MTREX: variants seen among roughly 807,000 people sequenced by gnomAD.
The protein encoded by MTREX is Mtr4 exosome RNA helicase.
In MTREX, 76 loss-of-function variants were observed where a neutral mutation model predicts 135.4. That is an observed-to-expected ratio of 0.56 (90% CI 0.47 to 0.68). MTREX has a LOEUF of 0.68. Among genes scored for constraint, MTREX ranks in the 30% least tolerant of loss-of-function variants. The probability of loss-of-function intolerance (pLI) is 0.00; values close to 1 mark genes in which losing one functional copy is unlikely to be tolerated. For synonymous variants in MTREX, 404 were observed against 401.6 expected (o/e 1.01, Z -0.07); for missense variants, 920 against 1,262.1 (o/e 0.73, Z 4.11).
intron 19 of MTREX, among the ~76,000 whole-genome samples, chr5:55,390,855 G>A (rs1186282070): frequency 6.6e-6 from 1 of 152,100 alleles, no homozygotes; most frequent in Non-Finnish European, 1.5e-5. Context: ...TTGCTGTTTT[G>A]GCAGGTTTCA....
chr5:55,413,400 T>A (rs958078178), intron 23 of MTREX, among the ~76,000 whole-genome samples: 9 of 134,186 alleles, frequency 6.7e-5, no homozygotes, highest in African/African-American at 2.5e-4. Flanking sequence ...TACATACATA[T>A]CATTCTTATA....
At chr5:55,341,001 A>G (rs1749639893) in intron 6 of MTREX, among the ~76,000 whole-genome samples, 1 of 152,196 alleles carries the variant, frequency 6.6e-6, no homozygotes, top group African/African-American at 2.4e-5. Flanking sequence ...TTTACTAAGT[A>G]TTTTTGTACA....
chr5:55,418,818 T>C (rs1751011895), intron 25 of MTREX, among the ~76,000 whole-genome samples: 1 of 152,066 alleles, frequency 6.6e-6, no homozygotes, highest in African/African-American at 2.4e-5. Context: ...GAATAGCCAT[T>C]CCTTCCTCAT....
At position 55,308,312 on chromosome 5, in the gene MTREX, G is replaced by T. The variant is rs569878829; in HGVS notation, c.134+165G>T. Among the ~76,000 whole-genome samples the T allele has an allele frequency of 1.1e-3, 160 of 152,170 alleles. 1 individual carries two copies. Among genetic ancestry groups the T allele is most frequent in the Admixed American group, 4.3e-3 (66 of 15,280 alleles). On this transcript the variant is annotated intron_variant, in intron 1 of 26. Transcript: ENST00000230640. Reference sequence around the variant, plus strand: ...GGAGAGGGTGGAAGAATGTTGGTTCGTGGAAGGGGGGTCTTGGCGTTTCCT... The same window carrying T: ...GGAGAGGGTGGAAGAATGTTGGTTCTTGGAAGGGGGGTCTTGGCGTTTCCT...
Position 55,353,215 on chromosome 5 carries a change from T to C in MTREX, c.1479T>C (p.Ala493=). The change falls in exon 14 of 27, where the codon GCT becomes GCC. Residue 493 remains alanine (A), a synonymous_variant. Coordinates refer to ENST00000230640, the MANE Select transcript of MTREX (RefSeq NM_015360.5). ...ETFAMGINMP[A]RTVLFTNARK... ...TTGCTATGGGAATTAACATGCCAGC[T>C]AGAACTGTTTTATTTACAAATGCCC... 6.2e-7 allele frequency: 1 copy of C among 1,611,020 alleles called. No individual in the cohort carries two copies.
intron 18 of MTREX, among the ~76,000 whole-genome samples, chr5:55,379,628 A>G (rs1750362292): frequency 6.6e-6 from 1 of 151,798 alleles, no homozygotes; most frequent in South Asian, 2.1e-4. Flanking sequence ...AGACACATGC[A>G]TTGTTTTCAT....
chr5:55,367,567 C>T (rs563101540), intron 16 of MTREX, among the ~76,000 whole-genome samples: 1 of 151,854 alleles, frequency 6.6e-6, no homozygotes, highest in African/African-American at 2.4e-5. Flanking sequence ...TGGCATAAGC[C>T]TGTGAATGTT....
chr5:55,326,536 C>G (rs139349265), intron 3 of MTREX, among the ~76,000 whole-genome samples: 1 of 152,292 alleles, frequency 6.6e-6, no homozygotes, highest in African/African-American at 2.4e-5. Flanking sequence ...GGTGACTTTT[C>G]CTCTTCACAG....
At chr5:55,421,851 G>A (rs1170240731) in intron 25 of MTREX, among the ~76,000 whole-genome samples, 1 of 152,090 alleles carries the variant, frequency 6.6e-6, no homozygotes, top group African/African-American at 2.4e-5. Flanking sequence ...ATACTTGTTT[G>A]CATAAACATT....
rs142958762 is a variant in MTREX at position 55,349,627 on chromosome 5, C to G, written c.1295C>G (p.Ser432Cys). Residue 432 changes from serine (S) to cysteine (C), a missense_variant, in exon 12 of 27, where the codon TCC becomes TGC. Transcript: ENST00000230640. ...TTCAGTAATGCAATTGATTGCTTATCCGATGAAGATAAAAAACTCCCTCAG... is the reference window on the plus strand; with the variant it reads ...TTCAGTAATGCAATTGATTGCTTATGCGATGAAGATAAAAAACTCCCTCAG... ...EVFSNAIDCL[S>C]DEDKKLPQVE... is the part of the protein sequence containing the mutation. The G allele has an allele frequency of 4.4e-3, 7,022 of 1,601,318 alleles. 22 individuals are homozygous for G. Among genetic ancestry groups the G allele is most frequent in the Non-Finnish European group, 5.2e-3 (6,061 of 1,169,080 alleles).
chr5:55,370,657 G>C (rs1007748361), intron 16 of MTREX, among the ~76,000 whole-genome samples: 1 of 152,192 alleles, frequency 6.6e-6, no homozygotes, highest in African/African-American at 2.4e-5. Flanking sequence ...TTTGAGTGAT[G>C]AAAGAGAAAT....
At position 55,310,607 on chromosome 5, in the gene MTREX, C is replaced by CA. The variant is rs903057558; in HGVS notation, c.134+2471dup. Among the ~76,000 whole-genome samples the CA allele has an allele frequency of 8.3e-3, 1,148 of 138,518 alleles. 15 individuals are homozygous for CA. The highest frequency in any genetic ancestry group is 0.026 in the African/African-American group (997 of 37,730). 90.9% of individuals were successfully genotyped at this position (138,518 alleles called of 152,430 possible). On this transcript the variant is annotated intron_variant, in intron 1 of 26. Transcript: ENST00000230640. ...TGGGCGACAGAGCTTGACTCCATCT[C>CA]AAAAAAAAAAAGAGAAAAAATCCTA...
intron 2 of MTREX, among the ~76,000 whole-genome samples, chr5:55,322,759 G>C (rs1324567620): frequency 6.6e-6 from 1 of 152,098 alleles, no homozygotes; most frequent in African/African-American, 2.4e-5. Context: ...CTCAGGAGGA[G>C]GATAACTGGA....
At chr5:55,384,871 G>A (rs1750452967) in intron 18 of MTREX, among the ~76,000 whole-genome samples, 1 of 152,164 alleles carries the variant, frequency 6.6e-6, no homozygotes. Context: ...ATACCCAGGA[G>A]CTCTGTTAGC....
intron 19 of MTREX, among the ~76,000 whole-genome samples, chr5:55,395,396 ACT>A (rs1463501072): frequency 1.3e-5 from 2 of 152,138 alleles, no homozygotes; most frequent in African/African-American, 4.8e-5. Flanking sequence ...ACAGAGCAAG[ACT>A]CTGTCTCAAA....
intron 1 of MTREX, among the ~76,000 whole-genome samples, chr5:55,320,196 T>G (rs923580952): frequency 6.6e-6 from 1 of 151,994 alleles, no homozygotes; most frequent in Non-Finnish European, 1.5e-5. Flanking sequence ...GGATCAGTAT[T>G]GTTTTACCCT....
intron 5 of MTREX, among the ~76,000 whole-genome samples, chr5:55,331,713 A>T (rs768884070): frequency 6.6e-6 from 1 of 152,166 alleles, no homozygotes; most frequent in Non-Finnish European, 1.5e-5. Flanking sequence ...CCTGGCCTTC[A>T]CAGACTACGA....
At position 55,401,592 on chromosome 5, in the gene MTREX, C is replaced by G. The variant is rs532570755; in HGVS notation, c.2481+1171C>G. Among the ~76,000 whole-genome samples the G allele has an allele frequency of 4.6e-5, 7 of 152,296 alleles. No homozygotes were observed. The South Asian group carries it at 1.5e-3, about 32-fold the overall frequency. ...GACTGTTTCCAAAATGGCTACACCACTTTATGTTCTCACTAGCAATTTGCA... is the reference window on the plus strand; with the variant it reads ...GACTGTTTCCAAAATGGCTACACCAGTTTATGTTCTCACTAGCAATTTGCA... On this transcript the variant is annotated intron_variant, in intron 21 of 26. Coordinates refer to ENST00000230640, the MANE Select transcript of MTREX (RefSeq NM_015360.5).
At chr5:55,405,315 A>G in intron 21 of MTREX, 110 bp from the exon 22 acceptor site, 1 of 917,040 alleles carries the variant, frequency 1.1e-6, no homozygotes, top group Non-Finnish European at 1.6e-6. Flanking sequence ...ACCCAGAAGT[A>G]TACTGTAAGA....
Sources: gnomAD v4.1 joint callset for allele counts (sites outside exome capture counted in the v4.1 genomes callset) on GRCh38, gnomAD v4.1.1 for gene constraint, MANE v1.5 for transcripts, NCBI Gene and HGNC (gene_info 2026-07-23, HGNC 2026-07-21) for gene names.